TRPM7: variants seen among roughly 807,000 people sequenced by gnomAD.
TRPM7 encodes the protein transient receptor potential cation channel subfamily M member 7.
A neutral mutation model predicts 229.7 loss-of-function variants in TRPM7; 134 were observed. That is an observed-to-expected ratio of 0.58 (90% CI 0.51 to 0.67). The LOEUF is 0.67. Ranked by LOEUF, TRPM7 falls within the 30% of genes least tolerant of loss-of-function variation. The pLI is 0.00. For missense variants in TRPM7, 1,901 were observed against 2,210.0 expected (o/e 0.86, Z 2.80); for synonymous variants, 699 against 715.2 (o/e 0.98, Z 0.36).
intron 1 of TRPM7, among the ~76,000 whole-genome samples, chr15:50,665,766 G>A (rs1157628162): frequency 1.3e-5 from 2 of 152,220 alleles, no homozygotes; most frequent in Non-Finnish European, 2.9e-5. Context: ...AGGCCGAGGT[G>A]GGCAGATCAC....
chr15:50,656,326 G>A (rs986903287), intron 3 of TRPM7, among the ~76,000 whole-genome samples: 1 of 151,956 alleles, frequency 6.6e-6, no homozygotes, highest in Non-Finnish European at 1.5e-5. Flanking sequence ...TGGAGACAGG[G>A]TCTTGCTCTG....
chr15:50,643,364 T>C lies in TRPM7; in HGVS notation c.511A>G (p.Ile171Val). Residue 171 changes from isoleucine (I) to valine (V), a missense_variant, in exon 5 of 39, where the codon ATT becomes GTT. By Grantham distance (29) the Ile-to-Val change is conservative. Around this residue, in one of 8 missense-constraint regions of TRPM7, gnomAD observed 794 missense variants for 881.9 expected, o/e 0.90. Coordinates refer to ENST00000646667, the MANE Select transcript of TRPM7 (RefSeq NM_017672.6). ...IKAAVTTGAW[I>V]LTGGVNTGVA... The stretch of plus-strand genomic sequence containing the variant: ...CCTGTGTTTACTCCTCCAGTTAAAA[T>C]CCAGGCTCCAGTTGTAACTGCAGCT... 6.2e-7 allele frequency: 1 copy of C among 1,614,060 alleles called. No individual in the cohort carries two copies. The highest frequency in any genetic ancestry group is 1.1e-5 in the South Asian group (1 of 91,074).
intron 21 of TRPM7, among the ~76,000 whole-genome samples, chr15:50,601,499 G>A (rs1166406264): frequency 2.0e-5 from 3 of 151,992 alleles, no homozygotes; most frequent in East Asian, 1.9e-4. Flanking sequence ...AAAATTAGCC[G>A]GGCATGGTGG....
chr15:50,660,523 C>T (rs1165767756), intron 2 of TRPM7, among the ~76,000 whole-genome samples: 4 of 152,178 alleles, frequency 2.6e-5, no homozygotes, highest in South Asian at 2.1e-4. Context: ...GGCGTGGTAG[C>T]GCATGCCTAT....
Position 50,637,569 on chromosome 15 carries a change from A to G in TRPM7, c.685T>C (p.Leu229=), listed in dbSNP as rs774941935. 3.7e-6 allele frequency: 6 copies of G among 1,613,914 alleles called. No homozygotes were observed. The South Asian group carries it at 6.6e-5, about 18-fold the overall frequency. ...RDVVAPYQTL[L]NPLSKLNVLN... ...ACATTCAATTTGCTCAGGGGGTTCA[A>G]TAAGGTTTGATAAGGAGCAACCACC... Residue 229 remains leucine (L), a synonymous_variant, in exon 7 of 39, where the codon TTG becomes CTG. Coordinates refer to ENST00000646667, the MANE Select transcript of TRPM7 (RefSeq NM_017672.6).
At chr15:50,571,450 A>T (rs894306232) in intron 36 of TRPM7, among the ~76,000 whole-genome samples, 1 of 152,240 alleles carries the variant, frequency 6.6e-6, no homozygotes, top group Admixed American at 6.5e-5. Context: ...AACTAAAAGT[A>T]GAGTGAATGT....
intron 31 of TRPM7, among the ~76,000 whole-genome samples, chr15:50,577,770 T>C (rs1401506912): frequency 1.3e-5 from 2 of 152,178 alleles, no homozygotes; most frequent in Admixed American, 6.5e-5. Flanking sequence ...AGAATGCTTG[T>C]AGCAGCAAGT....
At chr15:50,666,742 T>C (rs983643137) in intron 1 of TRPM7, among the ~76,000 whole-genome samples, 1 of 151,214 alleles carries the variant, frequency 6.6e-6, no homozygotes, top group African/African-American at 2.4e-5. Flanking sequence ...GCAGAAGTTA[T>C]GGTGAGCCGA....
At position 50,645,158 on chromosome 15, in the gene TRPM7, G is replaced by C. The variant is rs28375977; in HGVS notation, c.322-1605C>G. Reference sequence around the variant, plus strand: ...GGGCTCAAGTGATCTGCCCACCTCAGCCTCCCAAAGTGCTGGGATTACAGA... The same window carrying C: ...GGGCTCAAGTGATCTGCCCACCTCACCCTCCCAAAGTGCTGGGATTACAGA... On this transcript the variant is annotated intron_variant, in intron 4 of 38. Transcript: ENST00000646667. Among the ~76,000 whole-genome samples, 1,214 of 152,106 alleles carry C rather than the reference G, an allele frequency of 8.0e-3. 20 individuals carry two copies. Among genetic ancestry groups the C allele is most frequent in the African/African-American group, 0.028 (1,164 of 41,512 alleles).
chr15:50,571,091 T>C (rs2053863670), intron 36 of TRPM7, among the ~76,000 whole-genome samples: 1 of 152,130 alleles, frequency 6.6e-6, no homozygotes, highest in South Asian at 2.1e-4. Flanking sequence ...TAACACCTAC[T>C]GATATTTTGA....
At chr15:50,600,303 G>T (rs543390481) in intron 21 of TRPM7, among the ~76,000 whole-genome samples, 1 of 152,002 alleles carries the variant, frequency 6.6e-6, no homozygotes, top group African/African-American at 2.4e-5. Flanking sequence ...CGGGCGTGGC[G>T]GCACACTCCT....
chr15:50,650,563 C>T (rs1316066207), intron 3 of TRPM7, among the ~76,000 whole-genome samples: 5 of 152,014 alleles, frequency 3.3e-5, no homozygotes, highest in African/African-American at 1.2e-4. Flanking sequence ...GGCATGGTGG[C>T]GTACGCTTGT....
chr15:50,646,779 G>C (rs1342724032), intron 4 of TRPM7, among the ~76,000 whole-genome samples: 2 of 152,138 alleles, frequency 1.3e-5, no homozygotes, highest in African/African-American at 4.8e-5. Flanking sequence ...TTTGATTAAT[G>C]ATGAACTGCA....
chr15:50,603,023 G>A (rs1014949846), intron 21 of TRPM7, among the ~76,000 whole-genome samples: 2 of 152,096 alleles, frequency 1.3e-5, no homozygotes, highest in African/African-American at 4.8e-5. Flanking sequence ...TAAAATGTTA[G>A]GCTAAAACCA....
Position 50,607,347 on chromosome 15 carries a change from T to C in TRPM7, c.2581-19A>G. The C allele has an allele frequency of 6.6e-7, 1 of 1,524,000 alleles. No homozygotes were observed. Among genetic ancestry groups the C allele is most frequent in the Non-Finnish European group, 8.8e-7 (1 of 1,133,284 alleles). 94.4% of individuals were successfully genotyped at this position (1,524,000 alleles called of 1,614,324 possible). A position where few individuals can be genotyped will look rare whatever the true frequency, so the allele number is the denominator to read the frequency against. On this transcript the variant is annotated intron_variant, in intron 19 of 38. Transcript: ENST00000646667. ...ATGCCAACTAATGAAAAAGTAAAGG[T>C]TACATAAATAACATTGGTTACAAAA...
Position 50,574,859 on chromosome 15 carries a change from C to G in TRPM7, c.5012G>C (p.Cys1671Ser), listed in dbSNP as rs1245437459. The G allele has an allele frequency of 6.2e-7, 1 of 1,609,848 alleles. No homozygotes were observed. ...IYKEDTVLHL[C>S]LREIQQQRAA... ...ATATTCACTGACACTTACTCTCAGA[C>G]AGAGATGCAGAACTGTATCTTCTTT... The change falls in exon 34 of 39, where the codon TGT becomes TCT. Residue 1671 changes from cysteine (C) to serine (S), a missense_variant. Around this residue, in one of 8 missense-constraint regions of TRPM7, gnomAD observed 257 missense variants for 352.0 expected, o/e 0.73. Transcript: ENST00000646667.
At chr15:50,634,349 A>AATTAAT (rs2060825944) in intron 8 of TRPM7, 33 bp downstream of exon 8, 1 of 1,401,914 alleles carries the variant, frequency 7.1e-7, no homozygotes. Flanking sequence ...AAATAAATAA[A>AATTAAT]TAAAATTAAT....
chr15:50,578,162 C>G (rs1366315037), intron 31 of TRPM7, among the ~76,000 whole-genome samples: 2 of 152,184 alleles, frequency 1.3e-5, no homozygotes, highest in African/African-American at 2.4e-5. Flanking sequence ...AAAGAATTCA[C>G]TGAATTCTGC....
intron 3 of TRPM7, among the ~76,000 whole-genome samples, chr15:50,649,599 T>A (rs906477188): frequency 6.6e-6 from 1 of 152,124 alleles, no homozygotes; most frequent in Non-Finnish European, 1.5e-5. Context: ...ATTCCACGTA[T>A]ACAAAATTCA....
Sources: gnomAD v4.1 joint callset for allele counts (sites outside exome capture counted in the v4.1 genomes callset) on GRCh38, gnomAD v4.1.1 for gene constraint, gnomAD v4.1.1 regional missense constraint, MANE v1.5 for transcripts, NCBI Gene and HGNC (gene_info 2026-07-23, HGNC 2026-07-21) for gene names.